The following SAP30 variants were observed in gnomAD, a reference collection of about 807,000 sequenced individuals.
The protein encoded by SAP30 is Sin3A associated protein 30, also known as histone deacetylase complex subunit SAP30.
A neutral mutation model predicts 19.6 loss-of-function variants in SAP30; 13 were observed. That is an observed-to-expected ratio of 0.66 (90% confidence interval 0.43 to 1.05). SAP30 has a LOEUF of 1.05. Among genes scored for constraint, SAP30 ranks in the 50% least tolerant of loss-of-function variants. SAP30 has a pLI of 0.00. For missense variants in SAP30, 257 were observed against 292.1 expected, an observed-to-expected ratio of 0.88 and a Z score of 0.88; for synonymous variants, 108 against 122.7, an observed-to-expected ratio of 0.88 and a Z score of 0.79.
Position 173,370,959 on chromosome 4 carries a change from G to A in SAP30, c.-224G>A, listed in dbSNP as rs955119121. On this transcript the variant is annotated 5_prime_UTR_variant, in exon 1 of 4. Coordinates refer to ENST00000296504, the MANE Select transcript of SAP30 (RefSeq NM_003864.4). Reference sequence around the variant, plus strand: ...TGCTGAAGTCCCCATGTGACAGTGAGCGGGGTCCCCGCTCCAGGAGACGCT... The same window carrying A: ...TGCTGAAGTCCCCATGTGACAGTGAACGGGGTCCCCGCTCCAGGAGACGCT... The A allele has an allele frequency of 3.7e-6, 1 of 270,586 alleles. No homozygotes were observed. Among genetic ancestry groups the A allele is most frequent in the South Asian group, 6.6e-5 (1 of 15,262 alleles). The allele number at this position is 270,586 out of a possible 1,614,324, so 16.8% of individuals were successfully genotyped here. A position where few individuals can be genotyped will look rare whatever the true frequency, so the allele number is the denominator to read the frequency against.
Position 173,371,498 on chromosome 4 carries a change from G to GT in SAP30, c.315+2dup. On this transcript the variant is annotated splice_donor_variant, in intron 1 of 3. Coordinates refer to ENST00000296504, the MANE Select transcript of SAP30 (RefSeq NM_003864.4). LOFTEE classifies it high-confidence loss of function. This position sits in a 1 kb window ranked among gnomAD's most constrained non-coding sequence, Gnocchi z 6.4. Reference sequence around the variant, plus strand: ...GGTGAAGATCGAGCTGGATAAGAGCGTAAGTAAACCGCGGGACCGCCCTGC... The same window carrying GT: ...GGTGAAGATCGAGCTGGATAAGAGCGTTAAGTAAACCGCGGGACCGCCCTGC... 3.2e-6 allele frequency: 5 copies of GT among 1,582,936 alleles called. No homozygotes were observed. Among genetic ancestry groups the GT allele is most frequent in the South Asian group, 1.1e-5 (1 of 90,840 alleles).
intron 1 of SAP30, among the ~76,000 whole-genome samples, chr4:173,372,325 C>G (rs1220622330): frequency 1.3e-5 from 2 of 152,204 alleles, no homozygotes; most frequent in Non-Finnish European, 2.9e-5. Context: ...AGCCTGTTAG[C>G]TCAGTCCGTG....
In SAP30 at chr4:173,377,301, C is replaced by T. The variant is rs746129404; in HGVS notation, c.637C>T (p.Leu213Phe). The change falls in exon 4 of 4, where the codon CTC becomes TTC. Residue 213 changes from leucine (L) to phenylalanine (F), a missense_variant. Leu to Phe is a conservative substitution (Grantham distance 22). Transcript: ENST00000296504. ...GAAGAATGACAAGAACAAATCAGAT[C>T]TCAAGGTTGATAGTGGTGTTCACTA... ...SVKNDKNKSD[L>F]KVDSGVH 47 of 1,606,726 alleles carry T rather than the reference C, an allele frequency of 2.9e-5. No homozygotes were observed. Among genetic ancestry groups the T allele is most frequent in the Middle Eastern group, 3.3e-4 (2 of 6,032 alleles).
intron 3 of SAP30, among the ~76,000 whole-genome samples, chr4:173,375,784 T>A (rs1739024663): frequency 6.6e-6 from 1 of 152,170 alleles, no homozygotes; most frequent in African/African-American, 2.4e-5. Flanking sequence ...CATGGACTGG[T>A]ACTGGTTGGT....
intron 1 of SAP30, among the ~76,000 whole-genome samples, chr4:173,372,550 TA>T (rs1441512836): frequency 2.6e-5 from 4 of 152,234 alleles, no homozygotes; most frequent in Non-Finnish European, 4.4e-5. Flanking sequence ...AACTGAAATT[TA>T]AATATAGTTT....
intron 1 of SAP30, among the ~76,000 whole-genome samples, chr4:173,372,289 G>T (rs1422330707): frequency 1.3e-5 from 2 of 152,126 alleles, no homozygotes; most frequent in African/African-American, 4.8e-5. Context: ...TTTTTATCTT[G>T]CGCTTGGCTT....
intron 1 of SAP30, 74 bp from the exon 2 acceptor site, chr4:173,373,316 G>T: frequency 7.5e-7 from 1 of 1,331,024 alleles, no homozygotes; most frequent in Non-Finnish European, 1.0e-6. Context: ...ACTCACTGTG[G>T]CATATGTGTT....
intron 3 of SAP30, among the ~76,000 whole-genome samples, chr4:173,375,659 A>G (rs1261450469): frequency 6.6e-6 from 1 of 152,234 alleles, no homozygotes; most frequent in Admixed American, 6.5e-5. Flanking sequence ...TTTTATACAT[A>G]AGAGATAGCC....
chr4:173,373,541 T>C (rs1229711721), intron 2 of SAP30, 26 bp downstream of exon 2: 1 of 1,586,160 alleles, frequency 6.3e-7, no homozygotes, highest in South Asian at 1.2e-5. Context: ...TTATGCTTAA[T>C]GTAAATCCTA....
chr4:173,371,916 A>G lies in SAP30; in HGVS notation c.315+419A>G, dbSNP rs1738944944. ...AAGCTGGTGTTTGGCCCCAGGCGGT[A>G]CTAAATCCCGTCGTCTAGGAGAAAG... is the stretch of plus-strand genomic sequence containing the variant. On this transcript the variant is annotated intron_variant, in intron 1 of 3. Coordinates refer to ENST00000296504, the MANE Select transcript of SAP30 (RefSeq NM_003864.4). This position sits in a 1 kb window ranked among gnomAD's most constrained non-coding sequence, Gnocchi z 6.4. Among the ~76,000 whole-genome samples, 1 of 152,212 alleles carries G rather than the reference A, an allele frequency of 6.6e-6. No homozygotes were observed. Among genetic ancestry groups the G allele is most frequent in the African/African-American group, 2.4e-5 (1 of 41,446 alleles).
At chr4:173,375,519 C>T (rs1045143165) in intron 3 of SAP30, among the ~76,000 whole-genome samples, 1 of 152,116 alleles carries the variant, frequency 6.6e-6, no homozygotes, top group Admixed American at 6.5e-5. Flanking sequence ...GAAGGCACCC[C>T]TGTTTTGGGA....
rs977224142 is a variant in SAP30, at chr4:173,373,502, T to C, written c.428T>C (p.Ile143Thr). 4 of 1,607,150 alleles carry C rather than the reference T, an allele frequency of 2.5e-6. No individual in the cohort carries two copies. The highest frequency in any genetic ancestry group is 2.7e-5 in the African/African-American group (2 of 74,712). Residue 143 changes from isoleucine (I) to threonine (T), a missense_variant, in exon 2 of 4, where the codon ATT becomes ACT. By Grantham distance (89) the Ile-to-Thr change is moderately conservative. Coordinates refer to ENST00000296504, the MANE Select transcript of SAP30 (RefSeq NM_003864.4). Reference protein sequence around the residue: ...DDGGDSPVQDIDTPEVDLYQL... With the variant: ...DDGGDSPVQDTDTPEVDLYQL... The stretch of plus-strand genomic sequence containing the variant: ...GGAGGTGATTCACCTGTTCAAGATA[T>C]TGATACCCCAGAGGTAGATGGAAGT...
At chr4:173,374,602 T>A (rs1266550786) in intron 3 of SAP30, among the ~76,000 whole-genome samples, 3 of 152,108 alleles carry the variant, frequency 2.0e-5, no homozygotes, top group Non-Finnish European at 4.4e-5. Flanking sequence ...GAATGAGAGT[T>A]TTTTTAATCC....
rs1738919226 is a variant in SAP30, at chr4:173,371,147, G to T, written c.-36G>T. 6 of 1,442,602 alleles carry T rather than the reference G, an allele frequency of 4.2e-6. No homozygotes were observed. The highest frequency in any genetic ancestry group is 5.5e-6 in the Non-Finnish European group (6 of 1,097,428). 89.4% of individuals were successfully genotyped at this position (1,442,602 alleles called of 1,614,324 possible). A position where few individuals can be genotyped will look rare whatever the true frequency, so the allele number is the denominator to read the frequency against. ...GAGGCGGAGCGGCCAGGAGAGAGGG[G>T]ATTTCTGTCAGCGCCGGCCTCGGGA... On this transcript the variant is annotated 5_prime_UTR_variant, in exon 1 of 4. Coordinates refer to ENST00000296504, the MANE Select transcript of SAP30 (RefSeq NM_003864.4). The surrounding 1 kb of genome is among the most constrained non-coding windows in gnomAD (Gnocchi z 6.4).
intron 3 of SAP30, 40 bp downstream of exon 3, chr4:173,374,077 C>A: frequency 9.0e-7 from 1 of 1,106,608 alleles, no homozygotes; most frequent in Non-Finnish European, 1.3e-6. Flanking sequence ...ATCTGCACAA[C>A]CGAGAGGTTA....
In SAP30 at chr4:173,371,606, C is replaced by T; in HGVS notation, c.315+109C>T. 1 of 1,482,260 alleles carries T rather than the reference C, an allele frequency of 6.7e-7. No individual in the cohort carries two copies. Among genetic ancestry groups the T allele is most frequent in the Non-Finnish European group, 9.0e-7 (1 of 1,114,082 alleles). 91.8% of individuals were successfully genotyped at this position (1,482,260 alleles called of 1,614,324 possible). On this transcript the variant is annotated intron_variant, in intron 1 of 3. Coordinates refer to ENST00000296504, the MANE Select transcript of SAP30 (RefSeq NM_003864.4). The surrounding 1 kb of genome is among the most constrained non-coding windows in gnomAD (Gnocchi z 6.4). The stretch of plus-strand genomic sequence containing the variant: ...GTCCCCCAGACAACCGCACTGGCTG[C>T]AGTGCGGTCTCGTGGAGTCTGTGTT...
At position 173,371,142 on chromosome 4, in the gene SAP30, G is replaced by T; in HGVS notation, c.-41G>T. On this transcript the variant is annotated 5_prime_UTR_variant, in exon 1 of 4. Coordinates refer to ENST00000296504, the MANE Select transcript of SAP30 (RefSeq NM_003864.4). The surrounding 1 kb of genome is among the most constrained non-coding windows in gnomAD (Gnocchi z 6.4). ...GGAGAGAGGCGGAGCGGCCAGGAGA[G>T]AGGGGATTTCTGTCAGCGCCGGCCT... The T allele has an allele frequency of 6.9e-7, 1 of 1,447,362 alleles. No homozygotes were observed. 89.7% of individuals were successfully genotyped at this position (1,447,362 alleles called of 1,614,324 possible).
At chr4:173,376,890 G>A (rs1739051546) in intron 3 of SAP30, among the ~76,000 whole-genome samples, 1 of 151,606 alleles carries the variant, frequency 6.6e-6, no homozygotes, top group African/African-American at 2.4e-5. Context: ...CCAAAGTGCT[G>A]GGATTACAGG....
At position 173,371,412 on chromosome 4, in the gene SAP30, G is replaced by T. The variant is rs773112767; in HGVS notation, c.230G>T (p.Gly77Val). 6.3e-7 allele frequency: 1 copy of T among 1,590,310 alleles called. No individual in the cohort carries two copies. Among genetic ancestry groups the T allele is most frequent in the Non-Finnish European group, 8.5e-7 (1 of 1,175,462 alleles). ...CTGCGGGAGGATGGTGAGCGGTGCGGCCGGGCGGCAGGCAACGCCAGCTTC... is the reference window on the plus strand; with the variant it reads ...CTGCGGGAGGATGGTGAGCGGTGCGTCCGGGCGGCAGGCAACGCCAGCTTC... Reference protein sequence around the residue: ...CCLREDGERCGRAAGNASFSK... With the variant: ...CCLREDGERCVRAAGNASFSK... The change falls in exon 1 of 4, where the codon GGC becomes GTC. Residue 77 changes from glycine (G) to valine (V), a missense_variant. By Grantham distance (109) the Gly-to-Val change is moderately radical. Coordinates refer to ENST00000296504, the MANE Select transcript of SAP30 (RefSeq NM_003864.4). The surrounding 1 kb of genome is among the most constrained non-coding windows in gnomAD (Gnocchi z 6.4).
Sources: allele counts gnomAD v4.1 joint callset (sites outside exome capture counted in the v4.1 genomes callset), GRCh38; gene constraint gnomAD v4.1.1; non-coding constraint Gnocchi (gnomAD v3.1); transcripts MANE v1.5; gene names NCBI Gene and HGNC (gene_info 2026-07-23, HGNC 2026-07-21).